The following USP3 variants were observed in gnomAD, a reference collection of about 807,000 sequenced individuals.
The protein encoded by USP3 is ubiquitin specific peptidase 3.
USP3 carries 20 observed loss-of-function variants against 72.3 expected under a neutral mutation model. The ratio of observed to expected loss-of-function variants is 0.28; its 90% CI spans 0.19 to 0.40. The LOEUF (loss-of-function observed/expected upper bound fraction) is 0.40. USP3 is among the 10% of genes least tolerant of loss of function. USP3 has a pLI of 1.00. For missense variants in USP3, 479 were observed against 633.9 expected, an observed-to-expected ratio of 0.76 and a Z score of 2.62; for synonymous variants, 222 against 225.3, an observed-to-expected ratio of 0.99 and a Z score of 0.13.
At chr15:63,520,704 C>T (rs2065909671) in intron 1 of USP3, among the ~76,000 whole-genome samples, 1 of 151,818 alleles carries the variant, frequency 6.6e-6, no homozygotes, top group Non-Finnish European at 1.5e-5. Flanking sequence ...GCTGGGATTA[C>T]AGGCGTGGGC....
chr15:63,588,428 G>C lies in USP3; in HGVS notation c.1215+5G>C. ...TGGATTCAAAAACTACCCAAGGTGA[G>C]TGTTGAATTTTGAGTTATGAAGCAA... On this transcript the variant is annotated splice_donor_5th_base_variant and intron_variant, in intron 12 of 14. Coordinates refer to ENST00000380324, the MANE Select transcript of USP3 (RefSeq NM_006537.4). The surrounding 1 kb of genome is among the most constrained non-coding windows in gnomAD (Gnocchi z 4.6). 1.3e-6 allele frequency: 2 copies of C among 1,587,248 alleles called. No homozygotes were observed. Among genetic ancestry groups the C allele is most frequent in the Non-Finnish European group, 1.7e-6 (2 of 1,167,600 alleles).
chr15:63,568,088 C>T (rs1288271676), intron 8 of USP3, among the ~76,000 whole-genome samples: 1 of 152,092 alleles, frequency 6.6e-6, no homozygotes, highest in East Asian at 1.9e-4. Flanking sequence ...GGTATGGTGG[C>T]TCATGCCTGT....
At chr15:63,522,264 C>A (rs1030561459) in intron 1 of USP3, among the ~76,000 whole-genome samples, 2 of 152,220 alleles carry the variant, frequency 1.3e-5, no homozygotes, top group Non-Finnish European at 2.9e-5. Context: ...TGCTAGATAA[C>A]CACGTAAAAG....
At chr15:63,562,658 C>T (rs1267828119) in intron 7 of USP3, among the ~76,000 whole-genome samples, 1 of 152,150 alleles carries the variant, frequency 6.6e-6, no homozygotes, top group Non-Finnish European at 1.5e-5. Context: ...ACAAACATGG[C>T]GGTGCATGGG....
At chr15:63,585,520 A>G (rs2067040999) in intron 11 of USP3, among the ~76,000 whole-genome samples, 1 of 152,186 alleles carries the variant, frequency 6.6e-6, no homozygotes, top group African/African-American at 2.4e-5. Context: ...CAATGAATAC[A>G]TTGTTAGTGT....
In USP3 at chr15:63,574,151, A is replaced by T; in HGVS notation, c.1014A>T (p.Leu338=). 6.3e-7 allele frequency: 1 copy of T among 1,580,384 alleles called. No individual in the cohort carries two copies. Among genetic ancestry groups the T allele is most frequent in the Non-Finnish European group, 8.6e-7 (1 of 1,163,090 alleles). Residue 338 remains leucine (L), a splice_region_variant and synonymous_variant, in exon 10 of 15, where the codon CTA becomes CTT. Coordinates refer to ENST00000380324, the MANE Select transcript of USP3 (RefSeq NM_006537.4). The surrounding 1 kb of genome is among the most constrained non-coding windows in gnomAD (Gnocchi z 4.6). ...GTESRKFDPF[L]DLSLDIPSQF... ...AATCTAGAAAGTTTGATCCATTCCT[A>T]GGTAAGATATATGTGGCATGTGGAT...
In USP3 at chr15:63,562,903, T is replaced by C; in HGVS notation, c.656T>C (p.Val219Ala). 2.5e-6 allele frequency: 4 copies of C among 1,606,106 alleles called. No individual in the cohort carries two copies. The highest frequency in any genetic ancestry group is 3.4e-6 in the Non-Finnish European group (4 of 1,176,652). Reference protein sequence around the residue: ...RSQGDNNVSLVEEFRKTLCAL... With the variant: ...RSQGDNNVSLAEEFRKTLCAL... ...CCTTTCCTCTTTTGCAGGTCTTTGGTAGAAGAGTTTAGAAAGACACTCTGT... is the reference window on the plus strand; with the variant it reads ...CCTTTCCTCTTTTGCAGGTCTTTGGCAGAAGAGTTTAGAAAGACACTCTGT... The change falls in exon 8 of 15, where the codon GTA becomes GCA. Residue 219 changes from valine (V) to alanine (A), a missense_variant. Val to Ala is a moderately conservative substitution (Grantham distance 64). Transcript: ENST00000380324.
intron 8 of USP3, among the ~76,000 whole-genome samples, chr15:63,564,012 A>C (rs2066648264): frequency 6.6e-6 from 1 of 152,188 alleles, no homozygotes; most frequent in African/African-American, 2.4e-5. Context: ...GGAAAAACAT[A>C]AGAATTTGAG....
chr15:63,569,337 T>C (rs1242788681), intron 8 of USP3, among the ~76,000 whole-genome samples: 1 of 152,226 alleles, frequency 6.6e-6, no homozygotes, highest in Non-Finnish European at 1.5e-5. Flanking sequence ...CCAGCTAGTT[T>C]AGAAAAAGCT....
At chr15:63,519,476 C>T (rs959685805) in intron 1 of USP3, among the ~76,000 whole-genome samples, 1 of 152,072 alleles carries the variant, frequency 6.6e-6, no homozygotes, top group Admixed American at 6.6e-5. Context: ...GGTAGGAATA[C>T]CACAAAAGTA....
chr15:63,534,836 TTATAAA>T (rs1441229882), intron 2 of USP3, among the ~76,000 whole-genome samples: 2 of 152,178 alleles, frequency 1.3e-5, no homozygotes, highest in East Asian at 1.9e-4. Context: ...TGGTTTAGTA[TTATAAA>T]TATATATGAT....
intron 1 of USP3, among the ~76,000 whole-genome samples, chr15:63,512,370 TC>T (rs2065800469): frequency 6.6e-6 from 1 of 150,930 alleles, no homozygotes; most frequent in Non-Finnish European, 1.5e-5. Flanking sequence ...TCTTCTTTCT[TC>T]TTTCTTCTTT....
intron 2 of USP3, 96 bp downstream of exon 2, chr15:63,532,803 A>G (rs991094887): frequency 1.5e-6 from 2 of 1,297,082 alleles, no homozygotes; most frequent in African/African-American, 2.9e-5. Flanking sequence ...ATTTAGTACC[A>G]TTGTTAATCA....
intron 14 of USP3, among the ~76,000 whole-genome samples, chr15:63,590,309 G>A (rs59949417): frequency 2.0e-5 from 3 of 152,120 alleles, no homozygotes; most frequent in Admixed American, 6.5e-5. Flanking sequence ...TGATGACCAC[G>A]GTGTCAGGGA....
rs927731488 is a variant in USP3, at chr15:63,529,269, C to T, written c.92-3378C>T. ...GATTTTGGAAGTCAGTACTTTATTCCCTTTTACTTTCTCTCCTTATCATTA... is the reference window on the plus strand; with the variant it reads ...GATTTTGGAAGTCAGTACTTTATTCTCTTTTACTTTCTCTCCTTATCATTA... On this transcript the variant is annotated intron_variant, in intron 1 of 14. Transcript: ENST00000380324. This position sits in a 1 kb window ranked among gnomAD's most constrained non-coding sequence, Gnocchi z 4.2. 2.6e-6 allele frequency: 1 copy of T among 383,542 alleles called. No individual in the cohort carries two copies. The highest frequency in any genetic ancestry group is 2.1e-5 in the African/African-American group (1 of 46,972). 23.8% of individuals were successfully genotyped at this position (383,542 alleles called of 1,614,324 possible).
At position 63,593,959 on chromosome 15, in the gene USP3, T is replaced by C. The variant is rs901466563; in HGVS notation, c.*3133T>C. On this transcript the variant is annotated 3_prime_UTR_variant, in exon 15 of 15. Coordinates refer to ENST00000380324, the MANE Select transcript of USP3 (RefSeq NM_006537.4). The stretch of plus-strand genomic sequence containing the variant: ...TTGTGGCAACACAAATCTCTCTCCA[T>C]GGTGGAGAAACCTTTGCTTATCCAC... 1 of 152,262 alleles carries C rather than the reference T, an allele frequency of 6.6e-6. No individual in the cohort carries two copies. Among genetic ancestry groups the C allele is most frequent in the Admixed American group, 6.5e-5 (1 of 15,290 alleles). 9.4% of individuals were successfully genotyped at this position (152,262 alleles called of 1,614,324 possible). A position where few individuals can be genotyped will look rare whatever the true frequency, so the allele number is the denominator to read the frequency against.
intron 3 of USP3, among the ~76,000 whole-genome samples, chr15:63,541,403 G>A (rs1050794174): frequency 1.3e-5 from 2 of 152,092 alleles, no homozygotes; most frequent in East Asian, 3.8e-4. Context: ...ATATTTTGTT[G>A]ATGTTCTTAT....
rs1374027681 is a variant in USP3, at chr15:63,588,477, G to C, written c.1215+54G>C. On this transcript the variant is annotated intron_variant, in intron 12 of 14. Coordinates refer to ENST00000380324, the MANE Select transcript of USP3 (RefSeq NM_006537.4). The surrounding 1 kb of genome is among the most constrained non-coding windows in gnomAD (Gnocchi z 4.6). ...AATTTCAATGGGAAAGTGCTTGACT[G>C]CTAAGACCATGTCTATAACTTTACA... The C allele has an allele frequency of 2.0e-5, 26 of 1,270,010 alleles. No homozygotes were observed. The highest frequency in any genetic ancestry group is 2.9e-5 in the Non-Finnish European group (26 of 890,228). 78.7% of individuals were successfully genotyped at this position (1,270,010 alleles called of 1,614,324 possible).
At chr15:63,589,171 G>A (rs1009244409) in intron 14 of USP3, 160 bp downstream of exon 14, 1 of 740,994 alleles carries the variant, frequency 1.3e-6, no homozygotes, top group African/African-American at 1.8e-5. Context: ...CTCCTCAGAT[G>A]ATGTTGTGAA....
Sources: allele counts gnomAD v4.1 joint callset (sites outside exome capture counted in the v4.1 genomes callset), GRCh38; gene constraint gnomAD v4.1.1; non-coding constraint Gnocchi (gnomAD v3.1); transcripts MANE v1.5; gene names NCBI Gene and HGNC (gene_info 2026-07-23, HGNC 2026-07-21).